Variants in CNTNAP2 observed in about 807,000 individuals in gnomAD.
The protein encoded by CNTNAP2 is contactin associated protein 2.
Under a neutral mutation model 155.2 loss-of-function variants are expected in CNTNAP2, and 98 were observed. The ratio of observed to expected loss-of-function variants is 0.63; its 90% CI spans 0.54 to 0.75. The LOEUF is 0.75. Ranked by LOEUF, CNTNAP2 falls within the 30% of genes least tolerant of loss-of-function variation. The probability of loss-of-function intolerance (pLI) is 0.00; values close to 1 mark genes in which losing one functional copy is unlikely to be tolerated. For missense variants in CNTNAP2, 1,727 were observed against 1,688.1 expected (o/e 1.02, Z -0.40); for synonymous variants, 651 against 631.2 (o/e 1.03, Z -0.47).
chr7:146,721,022 T>TCTA (rs71525966), intron 1 of CNTNAP2, among the ~76,000 whole-genome samples: 2 of 120,444 alleles, frequency 1.7e-5, no homozygotes, highest in African/African-American at 8.4e-5. Context: ...ACTCTATATA[T>TCTA]TATATATACT....
chr7:146,944,266 A>G (rs1361522152), intron 3 of CNTNAP2, among the ~76,000 whole-genome samples: 1 of 148,462 alleles, frequency 6.7e-6, no homozygotes, highest in Non-Finnish European at 1.5e-5. Context: ...ATCATTTTTC[A>G]ATACGTTTAT....
intron 3 of CNTNAP2, among the ~76,000 whole-genome samples, chr7:146,990,334 G>A (rs1220407441): frequency 6.6e-6 from 1 of 152,166 alleles, no homozygotes; most frequent in East Asian, 1.9e-4. Flanking sequence ...TGGCCCTACT[G>A]ACTTGAGACT....
At chr7:146,606,850 T>A (rs1046723092) in intron 1 of CNTNAP2, among the ~76,000 whole-genome samples, 3 of 152,180 alleles carry the variant, frequency 2.0e-5, no homozygotes, top group Non-Finnish European at 4.4e-5. Context: ...TCGGTGAGTG[T>A]CCCTGATGTC....
At chr7:147,443,457 A>AT (rs996267982) in intron 10 of CNTNAP2, among the ~76,000 whole-genome samples, 14 of 151,128 alleles carry the variant, frequency 9.3e-5, no homozygotes, top group African/African-American at 2.4e-4. Flanking sequence ...AGTAAGGACT[A>AT]TTTTTTTTTC....
intron 12 of CNTNAP2, among the ~76,000 whole-genome samples, chr7:147,599,067 T>C (rs920256303): frequency 2.6e-5 from 4 of 152,168 alleles, no homozygotes; most frequent in African/African-American, 9.7e-5. Context: ...TAAAATAAAC[T>C]GTCCCAATAT....
intron 8 of CNTNAP2, among the ~76,000 whole-genome samples, chr7:147,162,676 G>C (rs939672749): frequency 6.6e-6 from 1 of 152,066 alleles, no homozygotes; most frequent in Non-Finnish European, 1.5e-5. Context: ...TAGTTAACCA[G>C]CACCCTCAAA....
chr7:146,808,463 TG>T (rs1357308474), intron 2 of CNTNAP2, among the ~76,000 whole-genome samples: 2 of 152,220 alleles, frequency 1.3e-5, no homozygotes, highest in East Asian at 3.8e-4. Context: ...TCTATTGTGC[TG>T]ATTTTGCTCA....
intron 1 of CNTNAP2, among the ~76,000 whole-genome samples, chr7:146,400,868 C>A (rs543901918): frequency 6.6e-6 from 1 of 152,150 alleles, no homozygotes; most frequent in Non-Finnish European, 1.5e-5. Flanking sequence ...CCTGATAATT[C>A]TTGGATTAAT....
intron 3 of CNTNAP2, among the ~76,000 whole-genome samples, chr7:146,950,452 C>G (rs1277597683): frequency 1.3e-5 from 2 of 152,058 alleles, no homozygotes; most frequent in African/African-American, 4.8e-5. Flanking sequence ...CCTTGCCCCC[C>G]ACCACCAACA....
intron 4 of CNTNAP2, among the ~76,000 whole-genome samples, chr7:147,056,243 T>C: frequency 6.6e-6 from 1 of 152,170 alleles, no homozygotes; most frequent in East Asian, 1.9e-4. Context: ...TAACCAACCA[T>C]TTATCATGTC....
intron 1 of CNTNAP2, among the ~76,000 whole-genome samples, chr7:146,668,249 T>C (rs970179452): frequency 3.3e-5 from 5 of 152,204 alleles, no homozygotes; most frequent in African/African-American, 1.2e-4. Flanking sequence ...TCTTTAATTA[T>C]ATTGATTTAA....
At chr7:146,710,056 G>A (rs543005455) in intron 1 of CNTNAP2, among the ~76,000 whole-genome samples, 2 of 152,302 alleles carry the variant, frequency 1.3e-5, no homozygotes, top group East Asian at 3.9e-4. Context: ...AGGGCTGTCA[G>A]GCCAAGGCCC....
chr7:148,190,382 A>T (rs188188938), intron 18 of CNTNAP2: 3 of 152,230 alleles, frequency 2.0e-5, no homozygotes, highest in Non-Finnish European at 4.4e-5. Flanking sequence ...GTTGTTTTAA[A>T]CCAGCAAGTT....
At chr7:147,633,880 T>C (rs946045037) in intron 12 of CNTNAP2, among the ~76,000 whole-genome samples, 3 of 152,198 alleles carry the variant, frequency 2.0e-5, no homozygotes, top group Non-Finnish European at 4.4e-5. Flanking sequence ...TAGGTATTTA[T>C]TCATAGCAAC....
intron 1 of CNTNAP2, among the ~76,000 whole-genome samples, chr7:146,355,205 C>A (rs904860616): frequency 1.8e-4 from 28 of 152,282 alleles, no homozygotes; most frequent in African/African-American, 6.5e-4. Flanking sequence ...TAGAAGAAAT[C>A]ATAAACTTTA....
chr7:146,292,205 G>C (rs376758459), intron 1 of CNTNAP2, among the ~76,000 whole-genome samples: 1 of 152,070 alleles, frequency 6.6e-6, no homozygotes, highest in South Asian at 2.1e-4. Context: ...TAAAATGACT[G>C]TTGTTCCCCT....
At position 146,994,744 on chromosome 7, in the gene CNTNAP2, A is replaced by G. The variant is rs371739793; in HGVS notation, c.403-49163A>G. 9.2e-5 allele frequency among the ~76,000 whole-genome samples: 14 copies of G among 152,248 alleles called. No individual in the cohort carries two copies. In the East Asian group the frequency reaches 1.5e-3, roughly 17 times the overall value. ...ACACACATGGGTGTTAATGGAAACT[A>G]GTTACTTTATGAGTATTAAGATAAT... On this transcript the variant is annotated intron_variant, in intron 3 of 23. Transcript: ENST00000361727.
At chr7:146,413,894 C>T (rs1418737677) in intron 1 of CNTNAP2, among the ~76,000 whole-genome samples, 1 of 152,004 alleles carries the variant, frequency 6.6e-6, no homozygotes, top group African/African-American at 2.4e-5. Context: ...AAGCTGTGTT[C>T]ATCCACTCCT....
At chr7:147,966,031 G>A (rs183189858) in intron 14 of CNTNAP2, among the ~76,000 whole-genome samples, 4 of 152,176 alleles carry the variant, frequency 2.6e-5, no homozygotes, top group African/African-American at 9.6e-5. Context: ...TATCCACTAG[G>A]GGAGCAAAAT....
Sources: gnomAD v4.1 joint callset for allele counts (sites outside exome capture counted in the v4.1 genomes callset) on GRCh38, gnomAD v4.1.1 for gene constraint, MANE v1.5 for transcripts, NCBI Gene and HGNC (gene_info 2026-07-23, HGNC 2026-07-21) for gene names.